The following PLCG2 variants were observed in gnomAD, a reference collection of about 807,000 sequenced individuals.
PLCG2 encodes the protein 1-phosphatidylinositol 4,5-bisphosphate phosphodiesterase gamma-2.
A neutral mutation model predicts 175.6 loss-of-function variants in PLCG2; 69 were observed. The observed-to-expected ratio is 0.39, with a 90% CI of 0.32 to 0.48. The LOEUF (loss-of-function observed/expected upper bound fraction) is 0.48, where lower values mean the gene tolerates loss of function less well. Ranked by LOEUF, PLCG2 falls within the 20% of genes least tolerant of loss-of-function variation. PLCG2 has a pLI of 0.91. For synonymous variants in PLCG2, 827 were observed against 624.0 expected (o/e 1.33, Z -4.85); for missense variants, 1,798 against 1,650.9 (o/e 1.09, Z -1.54).
chr16:81,780,963 G>A (rs1471597867), intron 1 of PLCG2, among the ~76,000 whole-genome samples: 1 of 152,144 alleles, frequency 6.6e-6, no homozygotes, highest in Admixed American at 6.5e-5. Context: ...GGAGGTGGAG[G>A]TTGCAGTGAA....
intron 2 of PLCG2, among the ~76,000 whole-genome samples, chr16:81,808,946 G>C (rs1904295802): frequency 6.6e-6 from 1 of 152,194 alleles, no homozygotes; most frequent in African/African-American, 2.4e-5. Context: ...TATTGGACCT[G>C]CCTGATGAAG....
intron 18 of PLCG2, among the ~76,000 whole-genome samples, chr16:81,911,596 GCTAA>G (rs562035067): frequency 0.013 from 814 of 65,032 alleles, 6 homozygotes; most frequent in South Asian, 0.054. Context: ...ACTGTGCCCA[GCTAA>G]TTAATTAATT....
chr16:81,881,933 T>C (rs1346852333), intron 8 of PLCG2, among the ~76,000 whole-genome samples: 7 of 152,150 alleles, frequency 4.6e-5, no homozygotes. Context: ...ATTACAGGCA[T>C]GTGCCACTGT....
intron 31 of PLCG2, among the ~76,000 whole-genome samples, chr16:81,947,376 C>T (rs1911192802): frequency 6.6e-6 from 1 of 152,194 alleles, no homozygotes; most frequent in African/African-American, 2.4e-5. Context: ...AATTCCACAT[C>T]TGTCACCTGG....
chr16:81,856,141 A>G (rs1048507478), intron 3 of PLCG2, among the ~76,000 whole-genome samples: 38 of 152,156 alleles, frequency 2.5e-4, no homozygotes, highest in African/African-American at 8.7e-4. Context: ...CCATCTTCTC[A>G]CTTACTGGCT....
Position 81,873,585 on chromosome 16 carries a change from A to C in PLCG2, c.648+2650A>C, listed in dbSNP as rs1907623970. On this transcript the variant is annotated intron_variant, in intron 7 of 32. Coordinates refer to ENST00000564138, the MANE Select transcript of PLCG2 (RefSeq NM_002661.5). ...TTTTTTTAATAATAGTTTACCTTGAAATTTCAAGATGCTGTGTTGTCAGAC... is the reference window on the plus strand; with the variant it reads ...TTTTTTTAATAATAGTTTACCTTGACATTTCAAGATGCTGTGTTGTCAGAC... 2.0e-5 allele frequency among the ~76,000 whole-genome samples: 3 copies of C among 152,140 alleles called. No individual in the cohort carries two copies. The South Asian group carries it at 6.2e-4, about 31-fold the overall frequency.
intron 30 of PLCG2, among the ~76,000 whole-genome samples, chr16:81,943,089 C>T (rs1442383941): frequency 6.6e-6 from 1 of 152,138 alleles, no homozygotes; most frequent in South Asian, 2.1e-4. Context: ...TGGAACCATG[C>T]TATTGGAGTG....
intron 2 of PLCG2, among the ~76,000 whole-genome samples, chr16:81,841,796 C>G (rs1326694244): frequency 6.6e-6 from 1 of 152,156 alleles, no homozygotes; most frequent in African/African-American, 2.4e-5. Flanking sequence ...ACCTATTCCC[C>G]CAGCTGCCAT....
intron 2 of PLCG2, among the ~76,000 whole-genome samples, chr16:81,759,706 T>C (rs530634493): frequency 6.6e-6 from 1 of 152,372 alleles, no homozygotes; most frequent in East Asian, 1.9e-4. Context: ...GGATAGCTTA[T>C]AGCTTGTATA....
intron 18 of PLCG2, 106 bp from the exon 19 acceptor site, chr16:81,912,491 G>A: frequency 5.9e-6 from 8 of 1,360,226 alleles, no homozygotes; most frequent in Non-Finnish European, 7.9e-6. Flanking sequence ...CGTTTCCAGG[G>A]CCAGGTTCCA....
rs138526726 is a variant in PLCG2 at position 81,881,761 on chromosome 16, C to T, written c.692+808C>T. On this transcript the variant is annotated intron_variant, in intron 8 of 32. Coordinates refer to ENST00000564138, the MANE Select transcript of PLCG2 (RefSeq NM_002661.5). ...CCAGGTTCAAGCGATTCTCCTGCCT[C>T]ATCCTCCGAATAGCTGGGACTACAG... 1.7e-3 allele frequency among the ~76,000 whole-genome samples: 264 copies of T among 152,214 alleles called. 2 individuals are homozygous for T. Among genetic ancestry groups the T allele is most frequent in the African/African-American group, 6.1e-3 (253 of 41,544 alleles).
chr16:81,869,100 G>C, intron 5 of PLCG2, 114 bp from the exon 6 acceptor site: 1 of 739,316 alleles, frequency 1.4e-6, no homozygotes, highest in Non-Finnish European at 2.4e-6. Flanking sequence ...ATAAATAACT[G>C]TTGACCAGGC....
chr16:81,920,958 GT>G (rs1910035538), intron 20 of PLCG2, among the ~76,000 whole-genome samples: 1 of 152,186 alleles, frequency 6.6e-6, no homozygotes, highest in South Asian at 2.1e-4. Flanking sequence ...AAGGAACGCA[GT>G]GCCTGGCACG....
chr16:81,858,174 A>G, intron 3 of PLCG2, 89 bp from the exon 4 acceptor site: 3 of 902,340 alleles, frequency 3.3e-6, no homozygotes, highest in South Asian at 2.7e-5. Context: ...GGCTTCTCCC[A>G]TCTTCGTGAT....
At position 81,958,320 on chromosome 16, in the gene PLCG2, C is replaced by A; in HGVS notation, c.*322C>A. 1 of 355,730 alleles carries A rather than the reference C, an allele frequency of 2.8e-6. No individual in the cohort carries two copies. The highest frequency in any genetic ancestry group is 5.5e-5 in the South Asian group (1 of 18,140). The allele number at this position is 355,730 out of a possible 1,614,324, so 22.0% of individuals were successfully genotyped here. ...TCAATTAAGCCTTCTGTTGCACGACCTGTGCAGTGAACAGGATTTCTTTTC... is the reference window on the plus strand; with the variant it reads ...TCAATTAAGCCTTCTGTTGCACGACATGTGCAGTGAACAGGATTTCTTTTC... On this transcript the variant is annotated 3_prime_UTR_variant, in exon 33 of 33. Coordinates refer to ENST00000564138, the MANE Select transcript of PLCG2 (RefSeq NM_002661.5).
chr16:81,959,179 A>G lies in PLCG2; in HGVS notation c.*1181A>G, dbSNP rs540698133. 1.8e-5 allele frequency: 4 copies of G among 225,212 alleles called. No homozygotes were observed. Among genetic ancestry groups the G allele is most frequent in the Non-Finnish European group, 3.5e-5 (4 of 113,074 alleles). 14.0% of individuals were successfully genotyped at this position (225,212 alleles called of 1,614,324 possible). A position where few individuals can be genotyped will look rare whatever the true frequency, so the allele number is the denominator to read the frequency against. On this transcript the variant is annotated 3_prime_UTR_variant, in exon 33 of 33. Transcript: ENST00000564138. The stretch of plus-strand genomic sequence containing the variant: ...AATGAGTGAATTTACAGCTGATGGG[A>G]AAAGGAGTGTAACTGTGAAAAACGA...
chr16:81,844,488 A>C (rs1906009081), intron 2 of PLCG2, among the ~76,000 whole-genome samples: 1 of 151,784 alleles, frequency 6.6e-6, no homozygotes, highest in Non-Finnish European at 1.5e-5. Flanking sequence ...TGCCCGGCTA[A>C]TTTTTGTATT....
At chr16:81,896,376 AC>A in intron 13 of PLCG2, among the ~76,000 whole-genome samples, 1 of 3,242 alleles carries the variant, frequency 3.1e-4, no homozygotes, top group South Asian at 8.2e-3. Context: ...ACACACACAC[AC>A]ACACACACAC....
At position 81,786,127 on chromosome 16, in the gene PLCG2, C is replaced by T. The variant is rs1023636697; in HGVS notation, c.138C>T (p.Ile46=). Residue 46 remains isoleucine, a synonymous_variant, in exon 2 of 33, where the codon ATC becomes ATT. Transcript: ENST00000564138. ...STPERRTVQV[I]METRQVAWSK... is the part of the protein sequence containing the mutation. ...CCGAGCGGAGAACCGTCCAGGTGAT[C>T]ATGGAGACGCGGCAGGTGGCCTGGA... is the stretch of plus-strand genomic sequence containing the variant. 2.5e-6 allele frequency: 4 copies of T among 1,614,190 alleles called. No homozygotes were observed. The highest frequency in any genetic ancestry group is 3.3e-4 in the Middle Eastern group (2 of 6,060).
Sources: gnomAD v4.1 joint callset for allele counts (sites outside exome capture counted in the v4.1 genomes callset) on GRCh38, gnomAD v4.1.1 for gene constraint, MANE v1.5 for transcripts, NCBI Gene and HGNC (gene_info 2026-07-23, HGNC 2026-07-21) for gene names.